The following PPARGC1A variants were observed in gnomAD, a reference collection of about 807,000 sequenced individuals.
PPARGC1A encodes peroxisome proliferator-activated receptor gamma coactivator 1-alpha.
In PPARGC1A, 25 loss-of-function variants were observed where a neutral mutation model predicts 88.7. The ratio of observed to expected loss-of-function variants is 0.28; its 90% CI spans 0.21 to 0.39. The LOEUF (loss-of-function observed/expected upper bound fraction) is 0.39. Among genes scored for constraint, PPARGC1A ranks in the 10% least tolerant of loss-of-function variants. The pLI, the probability that PPARGC1A is intolerant of heterozygous loss-of-function variation, is 1.00. For synonymous variants in PPARGC1A, 363 were observed against 355.6 expected, an observed-to-expected ratio of 1.02 and a Z score of -0.24; for missense variants, 880 against 968.7, an observed-to-expected ratio of 0.91 and a Z score of 1.22.
chr4:24,379,736 A>G, the PPARGC1A span, among the ~76,000 whole-genome samples: 1 of 151,642 alleles, frequency 6.6e-6, no homozygotes, highest in Non-Finnish European at 1.5e-5. Context: ...AGTGGTGGGC[A>G]TATGTGTGGT....
chr4:24,357,378 G>T, the PPARGC1A span, among the ~76,000 whole-genome samples: 1 of 152,298 alleles, frequency 6.6e-6, no homozygotes, highest in South Asian at 2.1e-4. Flanking sequence ...TTACTCCCCA[G>T]ATTATACTAT....
At chr4:24,000,605 A>G in the PPARGC1A span, among the ~76,000 whole-genome samples, 2 of 152,214 alleles carry the variant, frequency 1.3e-5, no homozygotes, top group Non-Finnish European at 2.9e-5. Context: ...TGTGACAGAA[A>G]TAAATCACTG....
the PPARGC1A span, among the ~76,000 whole-genome samples, chr4:24,274,021 G>T: frequency 2.0e-5 from 3 of 151,852 alleles, no homozygotes; most frequent in African/African-American, 7.3e-5. Context: ...TTACAGGAGT[G>T]AGCCACCGTG....
chr4:23,869,172 T>C (rs1577584450), intron 2 of PPARGC1A, among the ~76,000 whole-genome samples: 1 of 152,080 alleles, frequency 6.6e-6, no homozygotes, highest in East Asian at 1.9e-4. Flanking sequence ...ATGGACAGGG[T>C]CATGGCTGCC....
the PPARGC1A span, among the ~76,000 whole-genome samples, chr4:24,443,797 G>A: frequency 3.4e-5 from 5 of 148,084 alleles, no homozygotes; most frequent in East Asian, 2.0e-4. Context: ...CTCGTGATCC[G>A]CCTGCCTCAG....
At chr4:24,142,670 T>C in the PPARGC1A span, among the ~76,000 whole-genome samples, 1 of 148,834 alleles carries the variant, frequency 6.7e-6, no homozygotes, top group Non-Finnish European at 1.5e-5. Flanking sequence ...TGAGGCTCCA[T>C]CTCAAAAAAT....
chr4:24,119,576 T>C, the PPARGC1A span, among the ~76,000 whole-genome samples: 1 of 152,208 alleles, frequency 6.6e-6, no homozygotes, highest in Non-Finnish European at 1.5e-5. Context: ...GCTGAAGGCC[T>C]GCCCAGTGTT....
the PPARGC1A span, among the ~76,000 whole-genome samples, chr4:24,338,726 C>T: frequency 2.6e-5 from 4 of 152,042 alleles, no homozygotes; most frequent in East Asian, 1.9e-4. Context: ...GGACTGAAGA[C>T]TCATCTTGCT....
At chr4:24,205,947 T>G in the PPARGC1A span, among the ~76,000 whole-genome samples, 6 of 152,306 alleles carry the variant, frequency 3.9e-5, no homozygotes, top group Non-Finnish European at 8.8e-5. Flanking sequence ...AAGCAAACTT[T>G]GAATTATTAA....
the PPARGC1A span, among the ~76,000 whole-genome samples, chr4:24,350,150 G>T: frequency 2.6e-5 from 4 of 152,134 alleles, no homozygotes; most frequent in Non-Finnish European, 4.4e-5. Flanking sequence ...ACAATATTTG[G>T]GTGTCTCCCA....
chr4:23,874,816 T>C (rs754301495), intron 2 of PPARGC1A, among the ~76,000 whole-genome samples: 13 of 152,198 alleles, frequency 8.5e-5, no homozygotes, highest in Non-Finnish European at 1.8e-4. Context: ...TCCTCTTCCC[T>C]ACCTCCTCCC....
At chr4:24,418,973 A>G in the PPARGC1A span, among the ~76,000 whole-genome samples, 2 of 152,292 alleles carry the variant, frequency 1.3e-5, no homozygotes, top group South Asian at 4.1e-4. Context: ...TGACACTCTT[A>G]GTAGATTCTT....
intron 7 of PPARGC1A, among the ~76,000 whole-genome samples, chr4:23,822,804 A>T (rs950185334): frequency 6.6e-6 from 1 of 152,044 alleles, no homozygotes; most frequent in Admixed American, 6.6e-5. Context: ...TCAAGTCCTC[A>T]TCTCCTTGCT....
At chr4:24,198,226 T>C in the PPARGC1A span, among the ~76,000 whole-genome samples, 1 of 152,348 alleles carries the variant, frequency 6.6e-6, no homozygotes, top group African/African-American at 2.4e-5. Context: ...TTGGAACCTC[T>C]AAATAACCAA....
the PPARGC1A span, among the ~76,000 whole-genome samples, chr4:23,919,471 C>T: frequency 6.7e-6 from 1 of 148,760 alleles, no homozygotes; most frequent in African/African-American, 2.5e-5. Flanking sequence ...TTTTACACAT[C>T]TTAGAAGGTA....
chr4:24,336,670 T>A, the PPARGC1A span, among the ~76,000 whole-genome samples: 1 of 152,234 alleles, frequency 6.6e-6, no homozygotes, highest in African/African-American at 2.4e-5. Flanking sequence ...TATGGCTGCA[T>A]CTTATTCCAA....
At chr4:24,039,958 T>C in the PPARGC1A span, among the ~76,000 whole-genome samples, 1 of 152,136 alleles carries the variant, frequency 6.6e-6, no homozygotes, top group Non-Finnish European at 1.5e-5. Context: ...ACTCTCAATA[T>C]CTAACCAACC....
At chr4:23,999,750 A>G in the PPARGC1A span, among the ~76,000 whole-genome samples, 1 of 152,034 alleles carries the variant, frequency 6.6e-6, no homozygotes, top group Non-Finnish European at 1.5e-5. Flanking sequence ...TTTTCCTGGG[A>G]CCTCCTTGCA....
the PPARGC1A span, among the ~76,000 whole-genome samples, chr4:24,226,462 G>T: frequency 6.6e-6 from 1 of 152,230 alleles, no homozygotes; most frequent in African/African-American, 2.4e-5. Flanking sequence ...GGTGGAAAAC[G>T]AGGTGGGGAA....
Sources: gnomAD v4.1 joint callset for allele counts (sites outside exome capture counted in the v4.1 genomes callset) on GRCh38, gnomAD v4.1.1 for gene constraint, MANE v1.5 for transcripts, NCBI Gene and HGNC (gene_info 2026-07-23, HGNC 2026-07-21) for gene names.